The following ASIC2 variants were observed in gnomAD, a reference collection of about 807,000 sequenced individuals.
ASIC2 encodes acid sensing ion channel subunit 2, also known as acid-sensing ion channel 2.
Under a neutral mutation model 57.3 loss-of-function variants are expected in ASIC2, and 25 were observed. The ratio of observed to expected loss-of-function variants is 0.44; its 90% confidence interval spans 0.32 to 0.61. The LOEUF is 0.61. ASIC2 is among the 20% of genes least tolerant of loss of function. ASIC2 has a pLI of 0.06. For missense variants in ASIC2, 641 were observed against 738.1 expected, an observed-to-expected ratio of 0.87 and a Z score of 1.52; for synonymous variants, 319 against 307.5, an observed-to-expected ratio of 1.04 and a Z score of -0.39.
At chr17:33,982,256 A>G (rs1318598440) in intron 1 of ASIC2, among the ~76,000 whole-genome samples, 2 of 152,232 alleles carry the variant, frequency 1.3e-5, no homozygotes, top group Non-Finnish European at 2.9e-5. Context: ...CTGCAATTAC[A>G]TGCTACATTA....
intron 1 of ASIC2, among the ~76,000 whole-genome samples, chr17:33,745,748 T>C (rs528734511): frequency 8.5e-5 from 13 of 152,054 alleles, no homozygotes; most frequent in Non-Finnish European, 1.8e-4. Context: ...TTCTGATAAA[T>C]AAAAATTGAG....
intron 1 of ASIC2, among the ~76,000 whole-genome samples, chr17:33,250,885 C>T (rs552693812): frequency 2.0e-5 from 3 of 152,160 alleles, no homozygotes; most frequent in Non-Finnish European, 2.9e-5. Flanking sequence ...TATATGTAAT[C>T]GGCATTAGAT....
chr17:33,056,916 G>A (rs1333140325), intron 3 of ASIC2, among the ~76,000 whole-genome samples: 3 of 152,146 alleles, frequency 2.0e-5, no homozygotes, highest in Non-Finnish European at 4.4e-5. Flanking sequence ...GAGAAGCCCA[G>A]GCCACATTGT....
chr17:33,163,283 G>A (rs1427405330), intron 1 of ASIC2, among the ~76,000 whole-genome samples: 4 of 152,150 alleles, frequency 2.6e-5, no homozygotes, highest in African/African-American at 9.7e-5. Context: ...AATCATATAA[G>A]TTCTCCTGTT....
intron 1 of ASIC2, among the ~76,000 whole-genome samples, chr17:33,357,238 G>T (rs1038252729): frequency 1.3e-5 from 2 of 152,046 alleles, no homozygotes; most frequent in African/African-American, 4.8e-5. Context: ...ACTCCTCATT[G>T]TTCACATATG....
chr17:33,471,289 T>C (rs1158624902), intron 1 of ASIC2, among the ~76,000 whole-genome samples: 1 of 152,214 alleles, frequency 6.6e-6, no homozygotes, highest in African/African-American at 2.4e-5. Context: ...ATTGTTGAGC[T>C]CACTGACTGG....
At chr17:33,563,276 T>A (rs1378198935) in intron 1 of ASIC2, among the ~76,000 whole-genome samples, 1 of 152,238 alleles carries the variant, frequency 6.6e-6, no homozygotes, top group African/African-American at 2.4e-5. Flanking sequence ...ACACTTTACA[T>A]GTCTGCTAAT....
chr17:34,045,542 G>A (rs1012165747), intron 1 of ASIC2, among the ~76,000 whole-genome samples: 1 of 152,206 alleles, frequency 6.6e-6, no homozygotes. Context: ...GCCTCAGGAA[G>A]TGTAGGCTGC....
At chr17:34,155,614 T>C (rs889162771) in intron 1 of ASIC2, 14 of 242,426 alleles carry the variant, frequency 5.8e-5, no homozygotes, top group African/African-American at 3.2e-4. Context: ...GAATGCCACC[T>C]CGTCAATGAC....
intron 1 of ASIC2, among the ~76,000 whole-genome samples, chr17:33,495,812 C>T (rs1419175788): frequency 6.6e-6 from 1 of 152,150 alleles, no homozygotes; most frequent in Non-Finnish European, 1.5e-5. Context: ...GGCACAACAT[C>T]CACCAGCCTT....
intron 1 of ASIC2, among the ~76,000 whole-genome samples, chr17:33,369,361 C>G (rs1436839667): frequency 6.6e-6 from 1 of 152,164 alleles, no homozygotes; most frequent in African/African-American, 2.4e-5. Context: ...TGGAACAAGC[C>G]CAGAGGTAGC....
Position 33,454,526 on chromosome 17 carries a change from C to T in ASIC2, c.556-342459G>A, listed in dbSNP as rs186520351. Among the ~76,000 whole-genome samples, 8 of 152,328 alleles carry T rather than the reference C, an allele frequency of 5.3e-5. No individual in the cohort carries two copies. The East Asian group carries it at 1.3e-3, about 26-fold the overall frequency. ...TTCTTAACTGCTTTGTTTGTAAGTTCTAGGTTATCTTCTTAACAATTGTGG... is the reference window on the plus strand; with the variant it reads ...TTCTTAACTGCTTTGTTTGTAAGTTTTAGGTTATCTTCTTAACAATTGTGG... On this transcript the variant is annotated intron_variant, in intron 1 of 9. Transcript: ENST00000359872.
At chr17:33,138,545 A>G (rs1370954450) in intron 1 of ASIC2, among the ~76,000 whole-genome samples, 1 of 152,172 alleles carries the variant, frequency 6.6e-6, no homozygotes, top group African/African-American at 2.4e-5. Flanking sequence ...CAAGAATTTG[A>G]CCATTGCCCG....
chr17:33,453,117 C>T (rs1368696199), intron 1 of ASIC2, among the ~76,000 whole-genome samples: 1 of 152,084 alleles, frequency 6.6e-6, no homozygotes, highest in East Asian at 1.9e-4. Context: ...ACATGGTCTT[C>T]CCTTCCTCCT....
At chr17:33,814,880 G>A (rs951653597) in intron 1 of ASIC2, among the ~76,000 whole-genome samples, 24 of 152,212 alleles carry the variant, frequency 1.6e-4, no homozygotes, top group Admixed American at 1.6e-3. Context: ...AGTGGGGTCT[G>A]TAGTCTCTTT....
intron 1 of ASIC2, among the ~76,000 whole-genome samples, chr17:33,938,061 G>A (rs1275642763): frequency 6.6e-6 from 1 of 152,204 alleles, no homozygotes; most frequent in Non-Finnish European, 1.5e-5. Flanking sequence ...TTCTGGCCTG[G>A]TTTGAATAGA....
intron 1 of ASIC2, among the ~76,000 whole-genome samples, chr17:33,922,944 C>T (rs1001000270): frequency 6.6e-6 from 1 of 152,118 alleles, no homozygotes; most frequent in Non-Finnish European, 1.5e-5. Flanking sequence ...TGTGAAGGGT[C>T]CTCTAGAGCG....
At chr17:33,514,186 C>G (rs531446769) in intron 1 of ASIC2, among the ~76,000 whole-genome samples, 1 of 152,286 alleles carries the variant, frequency 6.6e-6, no homozygotes, top group East Asian at 1.9e-4. Context: ...GCTGCATGCT[C>G]TAGCCTAATC....
intron 1 of ASIC2, among the ~76,000 whole-genome samples, chr17:33,440,886 ATT>A (rs768492760): frequency 4.6e-5 from 7 of 152,100 alleles, no homozygotes; most frequent in Non-Finnish European, 8.8e-5. Context: ...ACTTTCAAAT[ATT>A]TATATTATTT....
Sources: allele counts gnomAD v4.1 joint callset (sites outside exome capture counted in the v4.1 genomes callset), GRCh38; gene constraint gnomAD v4.1.1; transcripts MANE v1.5; gene names NCBI Gene and HGNC (gene_info 2026-07-23, HGNC 2026-07-21).